The following TARS3 variants were observed in gnomAD, a reference collection of about 807,000 sequenced individuals.
TARS3 encodes the protein threonyl-tRNA synthetase 3, also known as threonine--tRNA ligase 2, cytoplasmic.
TARS3 carries 94 observed loss-of-function variants against 103.5 expected under a neutral mutation model. The ratio of observed to expected loss-of-function variants is 0.91; its 90% CI spans 0.77 to 1.08. The LOEUF (loss-of-function observed/expected upper bound fraction) is 1.08. TARS3 is among the 50% of genes least tolerant of loss of function. The probability of loss-of-function intolerance (pLI) is 0.00; values close to 1 mark genes in which losing one functional copy is unlikely to be tolerated. For missense variants in TARS3, 952 were observed against 995.2 expected, an observed-to-expected ratio of 0.96 and a Z score of 0.58; for synonymous variants, 416 against 355.4, an observed-to-expected ratio of 1.17 and a Z score of -1.92.
At chr15:101,717,100 G>T (rs551718561) in intron 3 of TARS3, among the ~76,000 whole-genome samples, 1 of 152,170 alleles carries the variant, frequency 6.6e-6, no homozygotes, top group African/African-American at 2.4e-5. Flanking sequence ...CAAGTGATCT[G>T]CCCACCTTCA....
At chr15:101,681,523 A>G (rs1898254697) in intron 12 of TARS3, among the ~76,000 whole-genome samples, 1 of 152,248 alleles carries the variant, frequency 6.6e-6, no homozygotes, top group African/African-American at 2.4e-5. Context: ...GCCAGAACAA[A>G]AATCCATAGG....
intron 10 of TARS3, among the ~76,000 whole-genome samples, chr15:101,698,681 T>G (rs1382265670): frequency 6.6e-6 from 1 of 152,234 alleles, no homozygotes; most frequent in East Asian, 1.9e-4. Context: ...ACTTGAGTTT[T>G]TAGTTCACAG....
chr15:101,705,733 T>C lies in TARS3; in HGVS notation c.945A>G (p.Lys315=). 1 of 1,609,000 alleles carries C rather than the reference T, an allele frequency of 6.2e-7. No individual in the cohort carries two copies. The highest frequency in any genetic ancestry group is 8.5e-7 in the Non-Finnish European group (1 of 1,176,764). The change falls in exon 7 of 19, where the codon AAA becomes AAG. Residue 315 remains lysine, a synonymous_variant. Coordinates refer to ENST00000335968, the MANE Select transcript of TARS3 (RefSeq NM_152334.3). Reference sequence around the variant, plus strand: ...TAACTTTCTCATTCAGAATGCGGCATTTAAATTTATTGTACTACGAAGAAA... The same window carrying C: ...TAACTTTCTCATTCAGAATGCGGCACTTAAATTTATTGTACTACGAAGAAA... ...LLEMFKYNKF[K]CRILNEKVNT...
intron 18 of TARS3, chr15:101,655,878 A>G: frequency 1.6e-6 from 2 of 1,286,834 alleles, no homozygotes; most frequent in South Asian, 1.2e-5. Context: ...TGATGAGCCA[A>G]GGAGTGGACA....
chr15:101,692,085 T>A (rs764540572), intron 10 of TARS3, among the ~76,000 whole-genome samples: 10 of 152,244 alleles, frequency 6.6e-5, no homozygotes, highest in Non-Finnish European at 1.3e-4. Flanking sequence ...AATCCTGACA[T>A]GCCAATATAC....
rs527638938 is a variant in TARS3, at chr15:101,687,403, A to T, written c.1321-1341T>A. 2.6e-5 allele frequency among the ~76,000 whole-genome samples: 4 copies of T among 152,220 alleles called. No individual in the cohort carries two copies. In the South Asian group the frequency reaches 8.3e-4, roughly 32 times the overall value. On this transcript the variant is annotated intron_variant, in intron 10 of 18. Transcript: ENST00000335968. ...GGGCAACAAAGCTAGACTCCATCTC[A>T]AAAAAAGAAAGAAAATGTTTAACAA...
At chr15:101,667,781 C>T (rs1897640318) in intron 15 of TARS3, among the ~76,000 whole-genome samples, 1 of 152,014 alleles carries the variant, frequency 6.6e-6, no homozygotes, top group Non-Finnish European at 1.5e-5. Flanking sequence ...GACGGGGTTT[C>T]ACCAACCATA....
chr15:101,698,617 C>T (rs1468543584), intron 10 of TARS3, among the ~76,000 whole-genome samples: 1 of 152,306 alleles, frequency 6.6e-6, no homozygotes, highest in East Asian at 1.9e-4. Context: ...CATTATTCCT[C>T]AAGCACCATT....
At chr15:101,683,142 T>C (rs1898322007) in intron 12 of TARS3, among the ~76,000 whole-genome samples, 1 of 152,184 alleles carries the variant, frequency 6.6e-6, no homozygotes, top group Non-Finnish European at 1.5e-5. Flanking sequence ...TTTTCTTTCT[T>C]TTGCTTCCAT....
chr15:101,711,896 T>A lies in TARS3; in HGVS notation c.796A>T (p.Met266Leu). The A allele has an allele frequency of 6.2e-7, 1 of 1,613,914 alleles. No homozygotes were observed. Among genetic ancestry groups the A allele is most frequent in the Middle Eastern group, 1.7e-4 (1 of 6,054 alleles). The change falls in exon 5 of 19, where the codon ATG (methionine) becomes TTG (leucine). Residue 266 changes from methionine to leucine, a missense_variant. Met to Leu is a conservative substitution (Grantham distance 15). Transcript: ENST00000335968. ...GTGTGTTACCTGTCTTCAATGAACA[T>A]GTCATAATAAAATCCATTTTCAATG... ...PPIENGFYYD[M>L]FIEDRAVSST...
intron 2 of TARS3, 115 bp downstream of exon 2, chr15:101,722,978 G>A (rs1900564553): frequency 1.0e-6 from 1 of 998,846 alleles, no homozygotes; most frequent in South Asian, 1.4e-5. Flanking sequence ...ACACTAATGT[G>A]ACCCAAATAA....
chr15:101,678,347 A>T (rs1898116659), intron 12 of TARS3, among the ~76,000 whole-genome samples: 1 of 152,156 alleles, frequency 6.6e-6, no homozygotes, highest in Non-Finnish European at 1.5e-5. Flanking sequence ...TACACTTAAT[A>T]TGTTAGGGCT....
At position 101,711,899 on chromosome 15, in the gene TARS3, C is replaced by A. The variant is rs1325217022; in HGVS notation, c.793G>T (p.Asp265Tyr). 3.1e-6 allele frequency: 5 copies of A among 1,613,758 alleles called. No individual in the cohort carries two copies. The Admixed American group carries it at 5.0e-5, about 16-fold the overall frequency. ...TGTTACCTGTCTTCAATGAACATGT[C>A]ATAATAAAATCCATTTTCAATGGGC... is the stretch of plus-strand genomic sequence containing the variant. ...GPPIENGFYY[D>Y]MFIEDRAVSS... The change falls in exon 5 of 19, where the codon GAC becomes TAC. Residue 265 changes from aspartate (D) to tyrosine (Y), a missense_variant. By Grantham distance (160) the Asp-to-Tyr change is radical. Coordinates refer to ENST00000335968, the MANE Select transcript of TARS3 (RefSeq NM_152334.3).
intron 3 of TARS3, among the ~76,000 whole-genome samples, chr15:101,716,855 ATTT>A (rs34234379): frequency 1.5e-5 from 2 of 131,660 alleles, no homozygotes; most frequent in Non-Finnish European, 1.6e-5. Flanking sequence ...CTACAATGTA[ATTT>A]TTTTTTTTTT....
rs539041643 is a variant in TARS3 at position 101,706,669 on chromosome 15, T to C, written c.931-922A>G. ...GTTTATCGTAATGATGATATATTTA[T>C]AAAACTAAGGGTTTTTTTCCTTTTC... On this transcript the variant is annotated intron_variant, in intron 6 of 18. Transcript: ENST00000335968. Among the ~76,000 whole-genome samples the C allele has an allele frequency of 3.9e-5, 6 of 152,338 alleles. No individual in the cohort carries two copies. The South Asian group carries it at 1.0e-3, about 26-fold the overall frequency.
At chr15:101,709,325 G>A (rs1187045695) in intron 5 of TARS3, among the ~76,000 whole-genome samples, 8 of 152,316 alleles carry the variant, frequency 5.3e-5, no homozygotes, top group Middle Eastern at 3.4e-3. Flanking sequence ...CTGCAGAGTC[G>A]CGGTGCTCCC....
Position 101,675,701 on chromosome 15 carries a change from G to A in TARS3, c.1687C>T (p.Gln563Ter), listed in dbSNP as rs753812905. 5 of 1,613,620 alleles carry A rather than the reference G, an allele frequency of 3.1e-6. No individual in the cohort carries two copies. In the Admixed American group the frequency reaches 6.7e-5, roughly 22 times the overall value. ...AAGCCAAATGTTGAGTAAACAGATT[G>A]CAAAAACTGCAAACACCCCTTTATT... ...EEIKGCLQFL[Q>*]SVYSTFGFSF... The change falls in exon 13 of 19, where the codon CAA becomes TAA. Residue 563 changes from glutamine (Q) to a stop codon, truncating the protein, a stop_gained. Coordinates refer to ENST00000335968, the MANE Select transcript of TARS3 (RefSeq NM_152334.3). LOFTEE classifies it high-confidence loss of function.
chr15:101,655,458 C>T (rs1339678786), intron 18 of TARS3, among the ~76,000 whole-genome samples: 8 of 140,680 alleles, frequency 5.7e-5, no homozygotes, highest in Non-Finnish European at 1.1e-4. Context: ...AGTGACTCCA[C>T]CTGGCACTAG....
chr15:101,698,099 G>A (rs1202889443), intron 10 of TARS3, among the ~76,000 whole-genome samples: 1 of 152,178 alleles, frequency 6.6e-6, no homozygotes, highest in Non-Finnish European at 1.5e-5. Context: ...CACTTTGGGA[G>A]GCTGAGGCAG....
Sources: gnomAD v4.1 joint callset for allele counts (sites outside exome capture counted in the v4.1 genomes callset) on GRCh38, gnomAD v4.1.1 for gene constraint, MANE v1.5 for transcripts, NCBI Gene and HGNC (gene_info 2026-07-23, HGNC 2026-07-21) for gene names.